The following BBS9 variants were observed in gnomAD, a reference collection of about 807,000 sequenced individuals.
The protein encoded by BBS9 is Bardet-Biedl syndrome 9.
A neutral mutation model predicts 117.7 loss-of-function variants in BBS9; 89 were observed. That is an observed-to-expected ratio of 0.76 (90% CI 0.64 to 0.90). BBS9 has a LOEUF of 0.90. Ranked by LOEUF, BBS9 falls within the 40% of genes least tolerant of loss-of-function variation. BBS9 has a pLI of 0.00. For synonymous variants in BBS9, 379 were observed against 370.9 expected (o/e 1.02, Z -0.25); for missense variants, 982 against 1,042.2 (o/e 0.94, Z 0.80).
intron 5 of BBS9, among the ~76,000 whole-genome samples, chr7:33,237,778 C>T (rs1009463292): frequency 6.6e-6 from 1 of 152,172 alleles, no homozygotes; most frequent in African/African-American, 2.4e-5. Context: ...GATAAAGATT[C>T]AGGAGTTATC....
chr7:33,541,351 A>G (rs1383021400), intron 21 of BBS9, among the ~76,000 whole-genome samples: 1 of 152,086 alleles, frequency 6.6e-6, no homozygotes, highest in East Asian at 1.9e-4. Context: ...CCTCCCAAAT[A>G]TATCTCTTTT....
intron 21 of BBS9, among the ~76,000 whole-genome samples, chr7:33,621,572 A>T (rs1007053559): frequency 1.3e-5 from 2 of 152,214 alleles, no homozygotes; most frequent in African/African-American, 4.8e-5. Flanking sequence ...ACCCTTGCAC[A>T]TTGTTGGAAA....
At chr7:33,498,088 G>C (rs931330465) in intron 19 of BBS9, among the ~76,000 whole-genome samples, 3 of 152,162 alleles carry the variant, frequency 2.0e-5, no homozygotes, top group African/African-American at 7.2e-5. Context: ...CTAAGTTTGA[G>C]GGAGGTAAGG....
chr7:33,609,261 A>G (rs960217228), downstream of BBS9, among the ~76,000 whole-genome samples: 2 of 152,098 alleles, frequency 1.3e-5, no homozygotes, highest in African/African-American at 2.4e-5. Context: ...CAAAATCCTC[A>G]TTGAAATGAT....
rs1320565583 is a variant in BBS9, at chr7:33,367,752, C to T, written c.1694-15C>T. The T allele has an allele frequency of 1.2e-6, 2 of 1,612,356 alleles. No homozygotes were observed. The highest frequency in any genetic ancestry group is 2.7e-5 in the African/African-American group (2 of 74,912). ...CTTCTGGTTACATAAGGTGATTTCTCTCTTTTCTTTGTAGGTTTTGCCAGT... is the reference window on the plus strand; with the variant it reads ...CTTCTGGTTACATAAGGTGATTTCTTTCTTTTCTTTGTAGGTTTTGCCAGT... On this transcript the variant is annotated splice_polypyrimidine_tract_variant and intron_variant, in intron 16 of 22. Coordinates refer to ENST00000242067, the MANE Select transcript of BBS9 (RefSeq NM_198428.3).
Position 33,225,190 on chromosome 7 carries a change from T to C in BBS9, c.443-32046T>C, listed in dbSNP as rs1327060989. 6.6e-5 allele frequency among the ~76,000 whole-genome samples: 10 copies of C among 152,118 alleles called. No individual in the cohort carries two copies. The East Asian group carries it at 1.9e-3, about 29-fold the overall frequency. ...GCCTTTCAATTTATTGATATTATTG[T>C]TATTATTTGTTTATATTTATTTTTT... is the stretch of plus-strand genomic sequence containing the variant. On this transcript the variant is annotated intron_variant, in intron 5 of 22. Coordinates refer to ENST00000242067, the MANE Select transcript of BBS9 (RefSeq NM_198428.3).
chr7:33,220,893 A>T (rs935802317), intron 5 of BBS9, among the ~76,000 whole-genome samples: 1 of 152,270 alleles, frequency 6.6e-6, no homozygotes, highest in Non-Finnish European at 1.5e-5. Context: ...AAATCATGTT[A>T]TATGGTTTTA....
chr7:33,146,346 A>C lies in BBS9; in HGVS notation c.94A>C (p.Asn32His). The C allele has an allele frequency of 6.2e-7, 1 of 1,613,646 alleles. No individual in the cohort carries two copies. Among genetic ancestry groups the C allele is most frequent in the Non-Finnish European group, 8.5e-7 (1 of 1,179,566 alleles). Residue 32 changes from asparagine to histidine, a missense_variant, in exon 2 of 23, where the codon AAT becomes CAT. Physicochemically the swap from Asn to His is moderately conservative, Grantham distance 68. Transcript: ENST00000242067. ...CTGTTTGTGTCTGGCTAATGTTGAC[A>C]ATAGTGGAAATGGACAAGGTAAGCA... ...QGCLCLANVDNSGNGQDKIIV... is the reference protein window; with the variant it reads ...QGCLCLANVDHSGNGQDKIIV...
chr7:33,148,812 A>G (rs1792833679), intron 2 of BBS9, among the ~76,000 whole-genome samples: 1 of 151,284 alleles, frequency 6.6e-6, no homozygotes, highest in African/African-American at 2.4e-5. Flanking sequence ...TTGTACAGAC[A>G]GTGTCTCCTT....
At chr7:33,255,884 G>A (rs879845670) in intron 5 of BBS9, among the ~76,000 whole-genome samples, 12 of 152,206 alleles carry the variant, frequency 7.9e-5, no homozygotes, top group Non-Finnish European at 1.2e-4. Flanking sequence ...TAGGCTGGGC[G>A]TGGTGGCTCA....
At chr7:33,268,981 T>C (rs1418113183) in intron 7 of BBS9, among the ~76,000 whole-genome samples, 1 of 152,218 alleles carries the variant, frequency 6.6e-6, no homozygotes, top group Non-Finnish European at 1.5e-5. Context: ...AGGTAAGCAA[T>C]ACTTGAGCCA....
At chr7:33,469,720 C>G (rs372071716) in intron 19 of BBS9, among the ~76,000 whole-genome samples, 1 of 151,908 alleles carries the variant, frequency 6.6e-6, no homozygotes, top group Non-Finnish European at 1.5e-5. Flanking sequence ...CACAACTTTC[C>G]CAGCTGTTAA....
intron 11 of BBS9, among the ~76,000 whole-genome samples, chr7:33,343,529 C>T (rs952475946): frequency 1.7e-4 from 26 of 151,610 alleles, no homozygotes; most frequent in African/African-American, 4.6e-4. Flanking sequence ...GACAGAGTCT[C>T]GCTCTTTCAC....
chr7:33,332,882 G>A (rs1433367802), intron 9 of BBS9, among the ~76,000 whole-genome samples: 1 of 151,786 alleles, frequency 6.6e-6, no homozygotes, highest in Non-Finnish European at 1.5e-5. Flanking sequence ...ACCATTTTAA[G>A]CATTTTAAAA....
intron 16 of BBS9, among the ~76,000 whole-genome samples, chr7:33,366,910 A>C (rs1273835388): frequency 1.3e-5 from 2 of 152,146 alleles, no homozygotes; most frequent in Non-Finnish European, 2.9e-5. Context: ...AGCAGAGTCA[A>C]GATTGACTAT....
intron 21 of BBS9, among the ~76,000 whole-genome samples, chr7:33,551,148 T>G (rs767731549): frequency 7.2e-5 from 11 of 152,162 alleles, no homozygotes; most frequent in Non-Finnish European, 1.2e-4. Flanking sequence ...TTGTTAAAAA[T>G]AGGCTTGGGA....
chr7:33,598,439 T>C (rs946339060), intron 21 of BBS9, among the ~76,000 whole-genome samples: 3 of 152,140 alleles, frequency 2.0e-5, no homozygotes, highest in African/African-American at 7.2e-5. Context: ...GTATTCTGGA[T>C]AGCATCCTGA....
At chr7:33,314,493 A>G (rs1810044190) in intron 9 of BBS9, 1 of 194,654 alleles carries the variant, frequency 5.1e-6, no homozygotes, top group Non-Finnish European at 1.1e-5. Context: ...ACATGACTGT[A>G]AAAGAGTTGG....
At chr7:33,343,259 AAT>A (rs1368938707) in intron 11 of BBS9, among the ~76,000 whole-genome samples, 2 of 152,170 alleles carry the variant, frequency 1.3e-5, no homozygotes, top group African/African-American at 4.8e-5. Context: ...ATTATTAGAA[AAT>A]ATGTCACCCC....
Sources: gnomAD v4.1 joint callset for allele counts (sites outside exome capture counted in the v4.1 genomes callset) on GRCh38, gnomAD v4.1.1 for gene constraint, MANE v1.5 for transcripts, NCBI Gene and HGNC (gene_info 2026-07-23, HGNC 2026-07-21) for gene names.